MAD1L1: variants seen among roughly 807,000 people sequenced by gnomAD.
MAD1L1 encodes the protein mitotic spindle assembly checkpoint protein MAD1.
Under a neutral mutation model 96.9 loss-of-function variants are expected in MAD1L1, and 95 were observed. The observed-to-expected ratio is 0.98, with a 90% CI of 0.83 to 1.16. The LOEUF (loss-of-function observed/expected upper bound fraction) is 1.16. Among genes scored for constraint, MAD1L1 ranks in the 50% most tolerant of loss-of-function variants. The pLI is 0.00. For synonymous variants in MAD1L1, 473 were observed against 396.6 expected, an observed-to-expected ratio of 1.19 and a Z score of -2.29; for missense variants, 1,007 against 954.4, an observed-to-expected ratio of 1.06 and a Z score of -0.73.
At chr7:1,966,694 G>A (rs749696460) in intron 15 of MAD1L1, among the ~76,000 whole-genome samples, 5 of 152,106 alleles carry the variant, frequency 3.3e-5, no homozygotes, top group African/African-American at 4.8e-5. Flanking sequence ...CAAAAAAAAT[G>A]GTGAAAACAG....
At chr7:2,150,621 G>C (rs892601268) in intron 10 of MAD1L1, among the ~76,000 whole-genome samples, 13 of 152,202 alleles carry the variant, frequency 8.5e-5, no homozygotes, top group African/African-American at 2.9e-4. Flanking sequence ...ACAGCTGGAG[G>C]CCGCCTTGCC....
chr7:2,189,964 A>G (rs554191623), intron 10 of MAD1L1, among the ~76,000 whole-genome samples: 201 of 152,324 alleles, frequency 1.3e-3, no homozygotes, highest in Non-Finnish European at 2.3e-3. Context: ...CACCATGCCC[A>G]GGTAAAACTG....
intron 11 of MAD1L1, among the ~76,000 whole-genome samples, chr7:2,131,389 C>T (rs1037758857): frequency 5.9e-5 from 9 of 152,150 alleles, no homozygotes; most frequent in East Asian, 1.9e-4. Context: ...TGAGGAAATA[C>T]GGAAAGGCAG....
At chr7:2,141,160 G>C (rs1490058690) in intron 11 of MAD1L1, among the ~76,000 whole-genome samples, 1 of 152,244 alleles carries the variant, frequency 6.6e-6, no homozygotes, top group Non-Finnish European at 1.5e-5. Context: ...CTCTGCCTGG[G>C]GAGGGAACAG....
intron 13 of MAD1L1, among the ~76,000 whole-genome samples, chr7:2,011,246 C>A (rs1382838321): frequency 6.6e-6 from 1 of 152,112 alleles, no homozygotes; most frequent in East Asian, 1.9e-4. Context: ...TCCACGGGGG[C>A]ATCCCTGGCT....
At chr7:1,953,978 T>C (rs1779615439) in intron 16 of MAD1L1, among the ~76,000 whole-genome samples, 1 of 152,094 alleles carries the variant, frequency 6.6e-6, no homozygotes. Context: ...CCACTGGACG[T>C]GCCCCTCTCT....
intron 17 of MAD1L1, among the ~76,000 whole-genome samples, chr7:1,926,180 T>TA (rs796231304): frequency 1.8e-4 from 28 of 151,862 alleles, no homozygotes; most frequent in African/African-American, 4.1e-4. Context: ...TTCCTCACAA[T>TA]AAAAAAAACC....
intron 12 of MAD1L1, among the ~76,000 whole-genome samples, chr7:2,049,440 G>A (rs117927199): frequency 0.011 from 1,734 of 152,318 alleles, 49 homozygotes; most frequent in Admixed American, 0.065. Context: ...TGCCCACCAT[G>A]GGTGGCAAAA....
Position 2,182,273 on chromosome 7 carries a change from T to TA in MAD1L1, c.986+30938dup, listed in dbSNP as rs201713631. On this transcript the variant is annotated intron_variant, in intron 10 of 18. Coordinates refer to ENST00000265854, the MANE Select transcript of MAD1L1 (RefSeq NM_001013836.2). ...ATCCAATGAAAAATCATGCAGTCAT[T>TA]AAAAAAAAAAATCCACTTTAAGATA... Among the ~76,000 whole-genome samples the TA allele has an allele frequency of 4.4e-3, 649 of 146,522 alleles. 11 individuals carry two copies. The East Asian group carries it at 0.055, about 13-fold the overall frequency.
intron 18 of MAD1L1, among the ~76,000 whole-genome samples, chr7:1,887,952 T>C (rs1583663809): frequency 2.6e-5 from 1 of 38,390 alleles, no homozygotes; most frequent in Admixed American, 3.8e-4. Flanking sequence ...TGTATGCACA[T>C]GTGTATGTGG....
intron 15 of MAD1L1, among the ~76,000 whole-genome samples, chr7:1,976,462 C>T (rs994454978): frequency 6.6e-5 from 10 of 152,194 alleles, no homozygotes; most frequent in African/African-American, 2.2e-4. Context: ...CCAGTGGGTT[C>T]GTGGTCTTGC....
At chr7:1,989,219 G>A (rs1239880054) in intron 14 of MAD1L1, among the ~76,000 whole-genome samples, 1 of 152,138 alleles carries the variant, frequency 6.6e-6, no homozygotes, top group African/African-American at 2.4e-5. Context: ...CGGCTCTAAC[G>A]AAACGTGGAA....
At chr7:2,084,863 C>A (rs1785829730) in intron 11 of MAD1L1, among the ~76,000 whole-genome samples, 1 of 152,172 alleles carries the variant, frequency 6.6e-6, no homozygotes. Flanking sequence ...AGGTGAAGAG[C>A]CTGCGACTCT....
chr7:1,821,093 AGG>A lies in MAD1L1; in HGVS notation c.1999-4867_1999-4866del, dbSNP rs757288347. ...GAGACTCCATCTCAAAAAAAAAAAA[AGG>A]GGGGGGGGAGAGTGAAATGACCAAT... On this transcript the variant is annotated intron_variant, in intron 18 of 18. Coordinates refer to ENST00000265854, the MANE Select transcript of MAD1L1 (RefSeq NM_001013836.2). Among the ~76,000 whole-genome samples, 2 of 27,866 alleles carry A rather than the reference AGG, an allele frequency of 7.2e-5. 1 individual carries two copies. Among genetic ancestry groups the A allele is most frequent in the African/African-American group, 1.8e-4 (2 of 11,422 alleles). The allele number at this position is 27,866 out of a possible 152,430, so 18.3% of individuals were successfully genotyped here. A position where few individuals can be genotyped will look rare whatever the true frequency, so the allele number is the denominator to read the frequency against.
In MAD1L1 at chr7:1,816,370, C is replaced by T. The variant is rs182007676; in HGVS notation, c.1999-142G>A. On this transcript the variant is annotated intron_variant, in intron 18 of 18. Transcript: ENST00000265854. ...GGACAGGGGTAGATGCGTCCTCAAC[C>T]CTGCCAGGCCTTATTCCAGGTCACC... is the stretch of plus-strand genomic sequence containing the variant. 271 of 719,226 alleles carry T rather than the reference C, an allele frequency of 3.8e-4. 3 individuals carry two copies. The African/African-American group carries it at 4.1e-3, about 11-fold the overall frequency. 44.6% of individuals were successfully genotyped at this position (719,226 alleles called of 1,614,324 possible). A position where few individuals can be genotyped will look rare whatever the true frequency, so the allele number is the denominator to read the frequency against.
intron 18 of MAD1L1, among the ~76,000 whole-genome samples, chr7:1,876,172 C>T (rs1251564429): frequency 6.6e-6 from 1 of 152,194 alleles, no homozygotes; most frequent in African/African-American, 2.4e-5. Flanking sequence ...CCATAGATCT[C>T]TGTAACGTAC....
intron 5 of MAD1L1, 23 bp downstream of exon 5, chr7:2,222,552 T>C (rs533878591): frequency 1.7e-5 from 27 of 1,547,256 alleles, no homozygotes; most frequent in Non-Finnish European, 2.3e-5. Context: ...AACAGCTCCC[T>C]GCGCAGCAGA....
intron 10 of MAD1L1, chr7:2,175,526 A>C: frequency 1.4e-5 from 2 of 147,304 alleles, no homozygotes; most frequent in East Asian, 2.0e-4. Context: ...AACCCACCAC[A>C]CTTCTCACTG....
intron 18 of MAD1L1, among the ~76,000 whole-genome samples, chr7:1,828,336 G>T (rs1427941714): frequency 6.6e-6 from 1 of 152,218 alleles, no homozygotes. Flanking sequence ...TGAGGGACAG[G>T]GCTGGAGCTG....
Sources: allele counts gnomAD v4.1 joint callset (sites outside exome capture counted in the v4.1 genomes callset), GRCh38; gene constraint gnomAD v4.1.1; transcripts MANE v1.5; gene names NCBI Gene and HGNC (gene_info 2026-07-23, HGNC 2026-07-21).